CCSER1: variants seen among roughly 807,000 people sequenced by gnomAD.
CCSER1 encodes serine-rich coiled-coil domain-containing protein 1.
Under a neutral mutation model 82.0 loss-of-function variants are expected in CCSER1, and 41 were observed. That is an observed-to-expected ratio of 0.50 (90% confidence interval 0.39 to 0.65). The LOEUF (loss-of-function observed/expected upper bound fraction) is 0.65, where lower values mean the gene tolerates loss of function less well. CCSER1 is among the 30% of genes least tolerant of loss of function. CCSER1 has a pLI of 0.00. For missense variants in CCSER1, 1,119 were observed against 1,064.2 expected, an observed-to-expected ratio of 1.05 and a Z score of -0.72; for synonymous variants, 414 against 383.9, an observed-to-expected ratio of 1.08 and a Z score of -0.92.
At chr4:90,536,821 T>C (rs1015799054) in intron 5 of CCSER1, among the ~76,000 whole-genome samples, 2 of 152,222 alleles carry the variant, frequency 1.3e-5, no homozygotes, top group Non-Finnish European at 2.9e-5. Context: ...TTATTGTTAT[T>C]AAATTTGAAT....
chr4:90,662,486 A>C (rs932047337), intron 6 of CCSER1, among the ~76,000 whole-genome samples: 1 of 152,156 alleles, frequency 6.6e-6, no homozygotes, highest in African/African-American at 2.4e-5. Context: ...TTTTCAAATT[A>C]TAATGTTCTG....
At chr4:91,071,606 C>A (rs969307521) in intron 9 of CCSER1, among the ~76,000 whole-genome samples, 5 of 152,076 alleles carry the variant, frequency 3.3e-5, no homozygotes, top group Admixed American at 6.6e-5. Context: ...TGCAAATAAT[C>A]ATAATCTAGC....
chr4:90,823,487 T>C (rs532443915), intron 8 of CCSER1, among the ~76,000 whole-genome samples: 51 of 152,106 alleles, frequency 3.4e-4, no homozygotes, highest in Non-Finnish European at 6.5e-4. Flanking sequence ...TACTTATTAA[T>C]GTATTCAAAT....
At chr4:91,536,376 A>G (rs780836838) in intron 10 of CCSER1, among the ~76,000 whole-genome samples, 14 of 152,074 alleles carry the variant, frequency 9.2e-5, no homozygotes, top group Non-Finnish European at 1.5e-4. Context: ...CCAGTACATG[A>G]TAGAGAGAGA....
At chr4:91,598,454 T>G in intron 10 of CCSER1, 118 bp from the exon 11 acceptor site, 1 of 1,063,656 alleles carries the variant, frequency 9.4e-7, no homozygotes, top group East Asian at 2.6e-5. Flanking sequence ...GATAATTTTA[T>G]AAACCTCATT....
chr4:90,774,720 T>C (rs1433133926), intron 7 of CCSER1, among the ~76,000 whole-genome samples: 4 of 152,212 alleles, frequency 2.6e-5, no homozygotes, highest in African/African-American at 9.6e-5. Flanking sequence ...TCAACTCTGA[T>C]TACTGCTGTA....
chr4:91,113,876 G>A (rs1726311508), intron 10 of CCSER1, among the ~76,000 whole-genome samples: 1 of 148,336 alleles, frequency 6.7e-6, no homozygotes, highest in Non-Finnish European at 1.5e-5. Flanking sequence ...TTTTTGATAC[G>A]GAGTCTCGCT....
At chr4:90,296,997 A>G (rs1280694019) in intron 1 of CCSER1, among the ~76,000 whole-genome samples, 1 of 152,132 alleles carries the variant, frequency 6.6e-6, no homozygotes, top group Non-Finnish European at 1.5e-5. Flanking sequence ...TTTCCATATG[A>G]ACTTTAAAGT....
chr4:91,202,178 C>CAA lies in CCSER1; in HGVS notation c.2217+116198_2217+116199dup, dbSNP rs1262512718. Among the ~76,000 whole-genome samples the CAA allele has an allele frequency of 5.5e-4, 48 of 87,602 alleles. 1 individual carries two copies. The South Asian group carries it at 9.2e-3, about 17-fold the overall frequency. The allele number at this position is 87,602 out of a possible 152,430, so 57.5% of individuals were successfully genotyped here. A position where few individuals can be genotyped will look rare whatever the true frequency, so the allele number is the denominator to read the frequency against. On this transcript the variant is annotated intron_variant, in intron 10 of 10. Transcript: ENST00000509176. ...TCTGACAGTGATCTAAAATAACTGT[C>CAA]AAAAAAAAAAAAAAAGGCCAAAGTG...
chr4:91,551,997 A>C (rs1048292142), intron 10 of CCSER1, among the ~76,000 whole-genome samples: 1 of 151,820 alleles, frequency 6.6e-6, no homozygotes, highest in South Asian at 2.1e-4. Context: ...TCAATGTAGT[A>C]GGAAATTCTG....
intron 2 of CCSER1, 71 bp from the exon 3 acceptor site, chr4:90,312,792 T>A (rs989169190): frequency 8.4e-7 from 1 of 1,197,548 alleles, no homozygotes; most frequent in Admixed American, 2.5e-5. Flanking sequence ...TTTCATGATC[T>A]TTCAGTGGGA....
intron 10 of CCSER1, among the ~76,000 whole-genome samples, chr4:91,229,688 A>G (rs1738471703): frequency 6.6e-6 from 1 of 152,172 alleles, no homozygotes. Context: ...CTGTGCAGGG[A>G]CATGGATGAA....
At chr4:90,792,151 G>C (rs1473419973) in intron 7 of CCSER1, among the ~76,000 whole-genome samples, 1 of 152,060 alleles carries the variant, frequency 6.6e-6, no homozygotes, top group East Asian at 1.9e-4. Context: ...CATATTATCT[G>C]TAATTCCTGC....
At chr4:90,217,800 A>G (rs1438361091) in intron 1 of CCSER1, among the ~76,000 whole-genome samples, 1 of 150,904 alleles carries the variant, frequency 6.6e-6, no homozygotes, top group African/African-American at 2.4e-5. Context: ...CTTTATTATT[A>G]TTATTGTTTT....
chr4:91,167,185 C>CTTTTTT (rs55920118), intron 10 of CCSER1, among the ~76,000 whole-genome samples: 2 of 121,488 alleles, frequency 1.6e-5, no homozygotes, highest in African/African-American at 3.1e-5. Flanking sequence ...AATTGCAATA[C>CTTTTTT]TTTTTTTTTT....
chr4:91,559,628 A>C (rs1363813481), intron 10 of CCSER1, among the ~76,000 whole-genome samples: 1 of 151,556 alleles, frequency 6.6e-6, no homozygotes, highest in African/African-American at 2.4e-5. Context: ...GAAACATGAA[A>C]ATCAAACTCC....
At position 90,515,672 on chromosome 4, in the gene CCSER1, C is replaced by T. The variant is rs1356205168; in HGVS notation, c.1724+47318C>T. ...AGCACTATACAGATGTTAACTTGTT[C>T]AAGTCACATATCAAGTACATGTGAT... On this transcript the variant is annotated intron_variant, in intron 5 of 10. Transcript: ENST00000509176. Among the ~76,000 whole-genome samples the T allele has an allele frequency of 2.0e-5, 3 of 152,228 alleles. No homozygotes were observed. In the East Asian group the frequency reaches 5.8e-4, roughly 29 times the overall value.
chr4:90,468,096 T>C, intron 4 of CCSER1, 138 bp from the exon 5 acceptor site: 1 of 814,706 alleles, frequency 1.2e-6, no homozygotes, highest in East Asian at 3.0e-5. Flanking sequence ...GCAGAAAATA[T>C]TTAAGGATAA....
intron 4 of CCSER1, among the ~76,000 whole-genome samples, chr4:90,419,407 A>G (rs1756346378): frequency 6.6e-6 from 1 of 151,948 alleles, no homozygotes; most frequent in African/African-American, 2.4e-5. Context: ...TATCACAGTA[A>G]CACTCTGAAA....
Sources: gnomAD v4.1 joint callset for allele counts (sites outside exome capture counted in the v4.1 genomes callset) on GRCh38, gnomAD v4.1.1 for gene constraint, MANE v1.5 for transcripts, NCBI Gene and HGNC (gene_info 2026-07-23, HGNC 2026-07-21) for gene names.